The following SETBP1 variants were observed in gnomAD, a reference collection of about 807,000 sequenced individuals.
SETBP1 encodes the protein SET binding protein 1, also known as SET-binding protein.
A neutral mutation model predicts 101.0 loss-of-function variants in SETBP1; 9 were observed. The observed-to-expected ratio is 0.09, with a 90% CI of 0.05 to 0.16. The LOEUF (loss-of-function observed/expected upper bound fraction) is 0.16. SETBP1 is among the 10% of genes least tolerant of loss of function. The pLI is 1.00. For missense variants in SETBP1, 1,858 were observed against 2,033.8 expected (o/e 0.91, Z 1.66); for synonymous variants, 818 against 788.5 (o/e 1.04, Z -0.63).
chr18:44,701,763 G>C lies in SETBP1; in HGVS notation c.417G>C (p.Gln139His). The C allele has an allele frequency of 1.2e-6, 2 of 1,613,858 alleles. No homozygotes were observed. Among genetic ancestry groups the C allele is most frequent in the Non-Finnish European group, 1.7e-6 (2 of 1,179,872 alleles). The change falls in exon 2 of 6, where the codon CAG (glutamine) becomes CAC (histidine). Residue 139 changes from glutamine (Q) to histidine (H), a missense_variant. Gln to His is a conservative substitution (Grantham distance 24). Transcript: ENST00000649279. The part of the protein sequence containing the change: ...IKITIKQSGD[Q>H]KVSRAGKNSK... ...TCACCATCAAGCAGTCTGGGGACCA[G>C]AAGGTGTCCCGTGCTGGAAAAAATA...
chr18:44,771,018 T>G (rs544722633), intron 2 of SETBP1, among the ~76,000 whole-genome samples: 1 of 152,158 alleles, frequency 6.6e-6, no homozygotes, highest in Middle Eastern at 3.4e-3. Context: ...TCTAGACTAT[T>G]GATTTCACCT....
intron 4 of SETBP1, among the ~76,000 whole-genome samples, chr18:45,014,005 T>G (rs1471021245): frequency 6.7e-6 from 1 of 150,366 alleles, no homozygotes; most frequent in Non-Finnish European, 1.5e-5. Context: ...ACTCTTTCAT[T>G]CAATAAGCAA....
intron 2 of SETBP1, among the ~76,000 whole-genome samples, chr18:44,858,000 A>G (rs1480040906): frequency 6.6e-6 from 1 of 152,198 alleles, no homozygotes; most frequent in Admixed American, 6.5e-5. Flanking sequence ...TACATAGCCC[A>G]GAAAAGGAGA....
intron 2 of SETBP1, among the ~76,000 whole-genome samples, chr18:44,730,826 C>T (rs2069824006): frequency 6.6e-6 from 1 of 152,192 alleles, no homozygotes; most frequent in African/African-American, 2.4e-5. Flanking sequence ...ACAAGATGTT[C>T]TAATTATCTA....
chr18:45,040,181 T>A (rs1019032251), intron 5 of SETBP1, among the ~76,000 whole-genome samples: 1 of 152,096 alleles, frequency 6.6e-6, no homozygotes, highest in African/African-American at 2.4e-5. Flanking sequence ...TCAAATATGA[T>A]CATGAGCCTT....
Position 44,950,102 on chromosome 18 carries a change from T to C in SETBP1, c.762T>C (p.Leu254=). ...CAAGCACCAGCAAGATCCCCGCTCTTGAGCCCGTGGCTTCCTTTGCAAAGG... is the reference window on the plus strand; with the variant it reads ...CAAGCACCAGCAAGATCCCCGCTCTCGAGCCCGTGGCTTCCTTTGCAAAGG... ...ETASTSKIPA[L]EPVASFAKAQ... is the part of the protein sequence containing the mutation. Residue 254 remains leucine (L), a synonymous_variant, in exon 4 of 6, where the codon CTT becomes CTC. Transcript: ENST00000649279. The C allele has an allele frequency of 1.2e-6, 2 of 1,614,140 alleles. No homozygotes were observed. The highest frequency in any genetic ancestry group is 1.7e-6 in the Non-Finnish European group (2 of 1,180,040).
chr18:44,760,027 C>T (rs1386075723), intron 2 of SETBP1, among the ~76,000 whole-genome samples: 2 of 152,166 alleles, frequency 1.3e-5, no homozygotes, highest in African/African-American at 4.8e-5. Context: ...GGCTCCTTCT[C>T]AGCTGAGCAT....
intron 2 of SETBP1, among the ~76,000 whole-genome samples, chr18:44,816,516 C>A (rs963342951): frequency 1.3e-5 from 2 of 152,170 alleles, no homozygotes; most frequent in African/African-American, 2.4e-5. Flanking sequence ...GATTCCCCTA[C>A]CTCTGCCTTT....
rs377163779 is a variant in SETBP1, at chr18:44,957,980, T to C, written c.4000+4640T>C. ...TGAAAGATTAATTAGCTAATGGCTG[T>C]TGTGGAGTTCAAGTAGGGTTAGGAA... is the stretch of plus-strand genomic sequence containing the variant. On this transcript the variant is annotated intron_variant, in intron 4 of 5. Transcript: ENST00000649279. Among the ~76,000 whole-genome samples the C allele has an allele frequency of 7.9e-5, 12 of 152,340 alleles. 1 individual carries two copies. Among genetic ancestry groups the C allele is most frequent in the African/African-American group, 2.9e-4 (12 of 41,584 alleles).
chr18:44,841,304 T>C (rs971816867), intron 2 of SETBP1, among the ~76,000 whole-genome samples: 21 of 152,208 alleles, frequency 1.4e-4, no homozygotes, highest in Non-Finnish European at 1.5e-5. Flanking sequence ...GCATGGACTC[T>C]CCATGGAGTT....
chr18:44,901,955 A>C (rs1353824703), intron 3 of SETBP1, among the ~76,000 whole-genome samples: 1 of 152,190 alleles, frequency 6.6e-6, no homozygotes, highest in African/African-American at 2.4e-5. Context: ...TTACAAACTT[A>C]TTTTAGAATC....
intron 3 of SETBP1, among the ~76,000 whole-genome samples, chr18:44,933,568 G>C (rs967436605): frequency 6.6e-6 from 1 of 152,234 alleles, no homozygotes; most frequent in Non-Finnish European, 1.5e-5. Flanking sequence ...TACTGAGGCA[G>C]GCAGGCGTCC....
At chr18:44,973,129 G>A (rs140635512) in intron 4 of SETBP1, among the ~76,000 whole-genome samples, 2 of 152,186 alleles carry the variant, frequency 1.3e-5, no homozygotes. Flanking sequence ...CATCTATTGA[G>A]ATAATCATCT....
intron 4 of SETBP1, among the ~76,000 whole-genome samples, chr18:45,014,449 G>A (rs571894664): frequency 3.9e-5 from 6 of 152,174 alleles, no homozygotes; most frequent in South Asian, 2.1e-4. Flanking sequence ...TCAGGGCAGC[G>A]CATTTCAATT....
chr18:45,015,157 C>T (rs944114916), intron 4 of SETBP1, among the ~76,000 whole-genome samples: 16 of 152,214 alleles, frequency 1.1e-4, no homozygotes, highest in Non-Finnish European at 2.2e-4. Flanking sequence ...CAAACCTGGC[C>T]AGAGCAGAAG....
intron 2 of SETBP1, among the ~76,000 whole-genome samples, chr18:44,840,325 C>G (rs893785716): frequency 2.0e-5 from 3 of 152,200 alleles, no homozygotes; most frequent in Admixed American, 2.0e-4. Flanking sequence ...CATGACTACC[C>G]TTGCTAGATC....
rs538918203 is a variant in SETBP1 at position 44,708,565 on chromosome 18, G to A, written c.486+6733G>A. On this transcript the variant is annotated intron_variant, in intron 2 of 5. Coordinates refer to ENST00000649279, the MANE Select transcript of SETBP1 (RefSeq NM_015559.3). ...TAAAGCAGCAGGGAAGGTGGGGAAC[G>A]ACCTTTTCTGCAGGGCAGCAGGGAG... Among the ~76,000 whole-genome samples, 242 of 152,236 alleles carry A rather than the reference G, an allele frequency of 1.6e-3. 2 individuals are homozygous for A. The highest frequency in any genetic ancestry group is 6.8e-3 in the Middle Eastern group (2 of 294).
intron 2 of SETBP1, among the ~76,000 whole-genome samples, chr18:44,864,164 A>G (rs552404892): frequency 2.0e-5 from 3 of 152,274 alleles, no homozygotes; most frequent in African/African-American, 7.2e-5. Context: ...TTTAGAAGCT[A>G]TAGAAGTTTG....
intron 1 of SETBP1, among the ~76,000 whole-genome samples, chr18:44,681,703 A>G (rs2068763448): frequency 6.6e-6 from 1 of 151,752 alleles, no homozygotes; most frequent in African/African-American, 2.4e-5. Flanking sequence ...ATTGCCCCCT[A>G]ATGCTGCATT....
Sources: gnomAD v4.1 joint callset for allele counts (sites outside exome capture counted in the v4.1 genomes callset) on GRCh38, gnomAD v4.1.1 for gene constraint, MANE v1.5 for transcripts, NCBI Gene and HGNC (gene_info 2026-07-23, HGNC 2026-07-21) for gene names.